Variants in TTC6 observed in about 807,000 individuals in gnomAD.
The protein encoded by TTC6 is tetratricopeptide repeat domain 6.
TTC6 carries 172 observed loss-of-function variants against 210.4 expected under a neutral mutation model. The ratio of observed to expected loss-of-function variants is 0.82; its 90% CI spans 0.72 to 0.93. The LOEUF is 0.93. Among genes scored for constraint, TTC6 ranks in the 40% least tolerant of loss-of-function variants. The pLI, the probability that TTC6 is intolerant of heterozygous loss-of-function variation, is 0.00. For synonymous variants in TTC6, 804 were observed against 819.6 expected (o/e 0.98, Z 0.32); for missense variants, 2,414 against 2,318.1 (o/e 1.04, Z -0.85).
chr14:37,606,438 C>A (rs371895184), intron 1 of TTC6, among the ~76,000 whole-genome samples: 18 of 152,258 alleles, frequency 1.2e-4, no homozygotes, highest in South Asian at 8.3e-4. Context: ...TTTCTCCCTG[C>A]ATCACTGTGG....
chr14:37,733,036 A>T (rs1299267794), intron 7 of TTC6, among the ~76,000 whole-genome samples: 2 of 152,092 alleles, frequency 1.3e-5, no homozygotes, highest in Non-Finnish European at 2.9e-5. Flanking sequence ...TGAAGTTCAA[A>T]CCCATGTTAT....
intron 8 of TTC6, among the ~76,000 whole-genome samples, chr14:37,737,459 C>T (rs2095904894): frequency 6.6e-6 from 1 of 152,084 alleles, no homozygotes; most frequent in Non-Finnish European, 1.5e-5. Flanking sequence ...TATTATTATA[C>T]ACTTTTCTAC....
rs970790807 is a variant in TTC6, at chr14:37,598,603, C to A, written c.-235+2595C>A. Among the ~76,000 whole-genome samples the A allele has an allele frequency of 6.6e-6, 1 of 152,180 alleles. No individual in the cohort carries two copies. Among genetic ancestry groups the A allele is most frequent in the Non-Finnish European group, 1.5e-5 (1 of 68,024 alleles). On this transcript the variant is annotated intron_variant, in intron 1 of 2. Transcript: ENST00000556845. This position sits in a 1 kb window ranked among gnomAD's most constrained non-coding sequence, Gnocchi z 4.9. ...TGGGAGCCCCTTCCTCAGATATTCACCAGGCAGGTAGAAGCAGAGGGAGAC... is the reference window on the plus strand; with the variant it reads ...TGGGAGCCCCTTCCTCAGATATTCAACAGGCAGGTAGAAGCAGAGGGAGAC...
At chr14:37,673,916 TA>T (rs887121183) in intron 1 of TTC6, among the ~76,000 whole-genome samples, 1 of 152,150 alleles carries the variant, frequency 6.6e-6, no homozygotes, top group Non-Finnish European at 1.5e-5. Flanking sequence ...TGTACAGAGT[TA>T]AAAAAATTTG....
chr14:37,707,175 G>T (rs2095837093), intron 5 of TTC6, among the ~76,000 whole-genome samples: 1 of 151,888 alleles, frequency 6.6e-6, no homozygotes, highest in Non-Finnish European at 1.5e-5. Context: ...TCATCTTGAT[G>T]CTTACAGAAT....
Position 37,664,871 on chromosome 14 carries a change from CT to C in TTC6, c.940-15278del, listed in dbSNP as rs2095744725. Among the ~76,000 whole-genome samples, 3 of 150,562 alleles carry C rather than the reference CT, an allele frequency of 2.0e-5. No individual in the cohort carries two copies. The South Asian group carries it at 6.4e-4, about 32-fold the overall frequency. On this transcript the variant is annotated intron_variant, in intron 1 of 30. Coordinates refer to ENST00000553443, the Ensembl canonical transcript of TTC6. ...CAGACATTTCTCAAAAGAAGACATA[CT>C]TGTGGCCAGCAAACTTATGGAAAAG... is the stretch of plus-strand genomic sequence containing the variant.
chr14:37,836,565 A>C (rs1458395975), intron 29 of TTC6, among the ~76,000 whole-genome samples: 1 of 152,142 alleles, frequency 6.6e-6, no homozygotes, highest in Non-Finnish European at 1.5e-5. Context: ...ATTCCTTCCA[A>C]AGTGTAGACA....
At chr14:37,682,570 C>G (rs560335706) in intron 2 of TTC6, among the ~76,000 whole-genome samples, 188 bp from the exon 5 acceptor site, 1 of 152,168 alleles carries the variant, frequency 6.6e-6, no homozygotes, top group Admixed American at 6.5e-5. Flanking sequence ...AATTTGCCAG[C>G]CTTGACATTT....
intron 5 of TTC6, among the ~76,000 whole-genome samples, chr14:37,702,284 G>A (rs766882136): frequency 1.3e-5 from 2 of 152,202 alleles, no homozygotes; most frequent in South Asian, 4.1e-4. Context: ...GTCTAACTCA[G>A]TTTTTCTCAG....
At chr14:37,757,312 G>A (rs2095971056) in intron 14 of TTC6, among the ~76,000 whole-genome samples, 1 of 151,956 alleles carries the variant, frequency 6.6e-6, no homozygotes, top group African/African-American at 2.4e-5. Context: ...CCAGGCTGGA[G>A]TGCAGTGGCT....
At chr14:37,762,299 G>T (rs948783784) in intron 14 of TTC6, among the ~76,000 whole-genome samples, 2 of 152,138 alleles carry the variant, frequency 1.3e-5, no homozygotes, top group Non-Finnish European at 2.9e-5. Context: ...GAGTACAGAT[G>T]TCTCTTTGAC....
Position 37,696,818 on chromosome 14 carries a change from T to TA in TTC6, c.1365dup (p.Leu456ThrfsTer3), listed in dbSNP as rs1566894677. On this transcript the variant is annotated frameshift_variant, in exon 4 of 31. Coordinates refer to ENST00000553443, the Ensembl canonical transcript of TTC6. LOFTEE classifies it high-confidence loss of function. Reference sequence around the variant, plus strand: ...GAAAGTCTTCAAAACCTCTTTGTGATAAAAAACTACATAAAAAGTAATTTT... The same window carrying TA: ...GAAAGTCTTCAAAACCTCTTTGTGATAAAAAAACTACATAAAAAGTAATTTT... The TA allele has an allele frequency of 1.8e-5, 25 of 1,382,984 alleles. No individual in the cohort carries two copies. In the South Asian group the frequency reaches 3.2e-4, roughly 18 times the overall value. The allele number at this position is 1,382,984 out of a possible 1,614,324, so 85.7% of individuals were successfully genotyped here.
intron 1 of TTC6, among the ~76,000 whole-genome samples, chr14:37,638,297 C>G (rs1425842091): frequency 1.3e-5 from 2 of 152,050 alleles, no homozygotes; most frequent in Non-Finnish European, 2.9e-5. Flanking sequence ...CTCTGCCGCC[C>G]AGGCTGGAAT....
chr14:37,624,265 C>T (rs2095656393), intron 1 of TTC6, among the ~76,000 whole-genome samples: 1 of 152,162 alleles, frequency 6.6e-6, no homozygotes, highest in Admixed American at 6.5e-5. Flanking sequence ...CTGCTCAGGC[C>T]ATTTCAAAAT....
At position 37,759,573 on chromosome 14, in the gene TTC6, G is replaced by A. The variant is rs1005697346; in HGVS notation, c.3266+6338G>A. On this transcript the variant is annotated intron_variant, in intron 14 of 30. Transcript: ENST00000553443. ...TGTTTCGCTAGATTGCGGTTCTCCC[G>A]GATAACATCCTGAAGTGTGTTTTCC... Among the ~76,000 whole-genome samples, 7 of 152,198 alleles carry A rather than the reference G, an allele frequency of 4.6e-5. No homozygotes were observed. In the East Asian group the frequency reaches 5.8e-4, roughly 13 times the overall value.
At chr14:37,813,024 G>A (rs1250581491) in intron 25 of TTC6, among the ~76,000 whole-genome samples, 1 of 151,908 alleles carries the variant, frequency 6.6e-6, no homozygotes, top group Non-Finnish European at 1.5e-5. Context: ...TTGTCTTTTT[G>A]TAACTCTTGG....
exon 11 of TTC6, chr14:37,749,315 A>G: frequency 6.6e-7 from 1 of 1,518,044 alleles, no homozygotes; most frequent in Non-Finnish European, 8.8e-7. Flanking sequence ...TGATAAGACA[A>G]AATATCCTGC....
At chr14:37,751,473 T>C (rs1177355298) in intron 13 of TTC6, among the ~76,000 whole-genome samples, 1 of 152,172 alleles carries the variant, frequency 6.6e-6, no homozygotes, top group Non-Finnish European at 1.5e-5. Flanking sequence ...AGATAACATG[T>C]AGGGGGCCCA....
chr14:37,825,007 A>G (rs1001841682), intron 27 of TTC6, among the ~76,000 whole-genome samples: 1 of 152,264 alleles, frequency 6.6e-6, no homozygotes, highest in Admixed American at 6.5e-5. Flanking sequence ...GGTGTATAGC[A>G]ACCTGAAAAA....
Sources: gnomAD v4.1 joint callset for allele counts (sites outside exome capture counted in the v4.1 genomes callset) on GRCh38, gnomAD v4.1.1 for gene constraint, Gnocchi (gnomAD v3.1) non-coding constraint, MANE v1.5 for transcripts, NCBI Gene and HGNC (gene_info 2026-07-23, HGNC 2026-07-21) for gene names.